Variants in NLRC5 observed in about 807,000 individuals in gnomAD.
NLRC5 encodes NLR family CARD domain containing 5.
NLRC5 carries 114 observed loss-of-function variants against 206.9 expected under a neutral mutation model. The ratio of observed to expected loss-of-function variants is 0.55; its 90% CI spans 0.47 to 0.64. NLRC5 has a LOEUF of 0.64. Among genes scored for constraint, NLRC5 ranks in the 30% least tolerant of loss-of-function variants. The pLI is 0.00. For synonymous variants in NLRC5, 952 were observed against 962.8 expected (o/e 0.99, Z 0.21); for missense variants, 2,008 against 2,305.5 (o/e 0.87, Z 2.64).
intron 32 of NLRC5, among the ~76,000 whole-genome samples, chr16:57,063,717 T>C (rs2144735528): frequency 6.6e-6 from 1 of 151,512 alleles, no homozygotes; most frequent in South Asian, 2.1e-4. Flanking sequence ...TGGTTATATA[T>C]CCAGAATTGC....
chr16:57,008,367 A>G (rs7196436), intron 1 of NLRC5, among the ~76,000 whole-genome samples: 18,475 of 152,238 alleles, frequency 0.12, 1,848 homozygotes, highest in African/African-American at 0.27. Flanking sequence ...TATAAATTGA[A>G]CATATAGCTT....
Position 57,021,011 on chromosome 16 carries a change from A to G in NLRC5, c.295+4A>G. ...AGTACTTTTGGCTATGATGATGGTAAGGGCAGGTGTGAGAGACGCAAAGCA... is the reference window on the plus strand; with the variant it reads ...AGTACTTTTGGCTATGATGATGGTAGGGGCAGGTGTGAGAGACGCAAAGCA... On this transcript the variant is annotated splice_donor_region_variant and intron_variant, in intron 3 of 48. Transcript: ENST00000688547. 6.2e-7 allele frequency: 1 copy of G among 1,611,256 alleles called. No individual in the cohort carries two copies. Among genetic ancestry groups the G allele is most frequent in the South Asian group, 1.1e-5 (1 of 91,036 alleles).
chr16:57,051,399 C>T, intron 23 of NLRC5, 139 bp from the exon 24 acceptor site: 1 of 700,826 alleles, frequency 1.4e-6, no homozygotes, highest in Non-Finnish European at 2.6e-6. Flanking sequence ...TCACGGATAA[C>T]CCATGGACCC....
At chr16:57,039,484 G>A (rs2063008859) in intron 15 of NLRC5, among the ~76,000 whole-genome samples, 1 of 152,210 alleles carries the variant, frequency 6.6e-6, no homozygotes, top group Admixed American at 6.5e-5. Flanking sequence ...ACTTTGGGAA[G>A]CAAAGGTGGG....
At chr16:57,063,368 G>A (rs4784757) in intron 32 of NLRC5, among the ~76,000 whole-genome samples, 87,193 of 151,412 alleles carry the variant, frequency 0.58, 27,920 homozygotes, top group African/African-American at 0.85. Context: ...TGCCCGTTTC[G>A]GCCTTCCAAA....
At chr16:57,081,755 C>T (rs2069177335) in intron 48 of NLRC5, 145 bp downstream of exon 48, 1 of 673,970 alleles carries the variant, frequency 1.5e-6, no homozygotes, top group Non-Finnish European at 2.6e-6. Flanking sequence ...AATTTGGCAG[C>T]AAGCAGACTT....
chr16:57,030,610 G>A (rs1384184158), intron 10 of NLRC5, among the ~76,000 whole-genome samples: 1 of 142,456 alleles, frequency 7.0e-6, no homozygotes, highest in African/African-American at 2.7e-5. Flanking sequence ...ATAGGTGTGT[G>A]AAAAGATGGA....
Position 57,074,651 on chromosome 16 carries a change from A to G in NLRC5, c.4719A>G (p.Arg1573=). The G allele has an allele frequency of 6.2e-7, 1 of 1,613,898 alleles. No homozygotes were observed. Among genetic ancestry groups the G allele is most frequent in the Non-Finnish European group, 8.5e-7 (1 of 1,179,840 alleles). Residue 1573 remains arginine, a synonymous_variant, in exon 39 of 49, where the codon AGA becomes AGG. Transcript: ENST00000688547. ...CCACCTTGGCCTTGCTTACTCACAG[A>G]CTAAGCCAGATGACCTGCCTGCAGA... is the stretch of plus-strand genomic sequence containing the variant. ...NSSTLALLTH[R]LSQMTCLQSL...
Position 57,025,900 on chromosome 16 carries a change from T to C in NLRC5, c.957T>C (p.Asp319=). The C allele has an allele frequency of 6.2e-7, 1 of 1,614,224 alleles. No homozygotes were observed. The highest frequency in any genetic ancestry group is 1.1e-5 in the South Asian group (1 of 91,084). The change falls in exon 6 of 49, where the codon GAT becomes GAC. Residue 319 remains aspartate, a synonymous_variant. Transcript: ENST00000688547. ...AGGCCCTCCAGCCTATGGGTCCTGA[T>C]GGCCCAGGCCCAGTCCTCACCCTTT... ...LDEALQPMGP[D]GPGPVLTLFS... is the part of the protein sequence containing the mutation.
intron 36 of NLRC5, among the ~76,000 whole-genome samples, chr16:57,068,402 G>C (rs1404150748): frequency 6.6e-6 from 1 of 150,658 alleles, no homozygotes; most frequent in African/African-American, 2.4e-5. Flanking sequence ...CTGCACTCTA[G>C]CCTAGGTGAC....
At chr16:56,993,130 TATACACACACACACACACAC>T (rs2057141640) in intron 1 of NLRC5, among the ~76,000 whole-genome samples, 3 of 143,450 alleles carry the variant, frequency 2.1e-5, no homozygotes, top group East Asian at 2.1e-4. Context: ...TGTATATATA[TATACACACACACACACACAC>T]ACATATACAC....
At chr16:57,033,746 A>G (rs2062156574) in intron 12 of NLRC5, 77 bp downstream of exon 12, 3 of 1,392,300 alleles carry the variant, frequency 2.2e-6, no homozygotes, top group Non-Finnish European at 2.0e-6. Flanking sequence ...GAGCAGGGGC[A>G]GGGAGGATAA....
At chr16:57,013,539 C>T in intron 1 of NLRC5, 6 of 916,344 alleles carry the variant, frequency 6.5e-6, no homozygotes, top group Non-Finnish European at 1.1e-5. Context: ...GTACAATTAA[C>T]TTCAGAAGTC....
At chr16:56,995,559 C>T (rs1350446880) in intron 1 of NLRC5, among the ~76,000 whole-genome samples, 1 of 152,152 alleles carries the variant, frequency 6.6e-6, no homozygotes, top group Non-Finnish European at 1.5e-5. Context: ...CTGCCGACCG[C>T]TGGAAGCTTC....
At chr16:57,054,210 G>A (rs1238459338) in intron 24 of NLRC5, among the ~76,000 whole-genome samples, 2 of 152,070 alleles carry the variant, frequency 1.3e-5, no homozygotes, top group East Asian at 1.9e-4. Flanking sequence ...TACTGGCATC[G>A]AATGAATAGA....
At chr16:57,075,090 C>T (rs2068229831) in intron 39 of NLRC5, among the ~76,000 whole-genome samples, 1 of 125,300 alleles carries the variant, frequency 8.0e-6, no homozygotes, top group Non-Finnish European at 1.6e-5. Flanking sequence ...AGTGCAGTGG[C>T]AATGCACAGG....
At position 57,045,450 on chromosome 16, in the gene NLRC5, T is replaced by G; in HGVS notation, c.3206T>G (p.Phe1069Cys). The G allele has an allele frequency of 6.2e-7, 1 of 1,614,150 alleles. No individual in the cohort carries two copies. Among genetic ancestry groups the G allele is most frequent in the South Asian group, 1.1e-5 (1 of 91,080 alleles). ...LQWLFRLDIS[F>C]ESQHILLRGD... The stretch of plus-strand genomic sequence containing the variant: ...TGCTGCTTCCTCTCTGCTTCCAGCT[T>G]TGAAAGCCAACACATCCTCCTGAGA... Residue 1069 changes from phenylalanine to cysteine, a missense_variant and splice_region_variant, in exon 21 of 49, where the codon TTT (phenylalanine) becomes TGT (cysteine). By Grantham distance (205) the Phe-to-Cys change is radical (BLOSUM62 -2). Coordinates refer to ENST00000688547, the MANE Select transcript of NLRC5 (RefSeq NM_001384950.1).
At chr16:57,062,216 C>T (rs2066604070) in intron 32 of NLRC5, 1 of 456,368 alleles carries the variant, frequency 2.2e-6, no homozygotes, top group African/African-American at 2.1e-5. Context: ...AAATATTTCA[C>T]CGTGAAGCTC....
intron 38 of NLRC5, among the ~76,000 whole-genome samples, chr16:57,073,388 A>C (rs2068007197): frequency 6.6e-6 from 1 of 152,146 alleles, no homozygotes; most frequent in African/African-American, 2.4e-5. Context: ...AGCTTCTTCC[A>C]GCTGTATACC....
Sources: allele counts gnomAD v4.1 joint callset (sites outside exome capture counted in the v4.1 genomes callset), GRCh38; gene constraint gnomAD v4.1.1; transcripts MANE v1.5; gene names NCBI Gene and HGNC (gene_info 2026-07-23, HGNC 2026-07-21).